DLGAP1: variants seen among roughly 807,000 people sequenced by gnomAD.
DLGAP1 encodes the protein disks large-associated protein 1.
Under a neutral mutation model 90.8 loss-of-function variants are expected in DLGAP1, and 11 were observed. The observed-to-expected ratio is 0.12, with a 90% CI of 0.08 to 0.20. The LOEUF (loss-of-function observed/expected upper bound fraction) is 0.20, where lower values mean the gene tolerates loss of function less well. Among genes scored for constraint, DLGAP1 ranks in the 10% least tolerant of loss-of-function variants. The pLI, the probability that DLGAP1 is intolerant of heterozygous loss-of-function variation, is 1.00. For synonymous variants in DLGAP1, 558 were observed against 540.7 expected (o/e 1.03, Z -0.44); for missense variants, 1,050 against 1,333.8 (o/e 0.79, Z 3.31).
chr18:3,949,673 T>C (rs187357751), intron 3 of DLGAP1, among the ~76,000 whole-genome samples: 1 of 152,352 alleles, frequency 6.6e-6, no homozygotes, highest in East Asian at 1.9e-4. Context: ...GGACTGGTTG[T>C]ATATAGTTGA....
At chr18:4,061,043 C>G (rs1362454267) in intron 2 of DLGAP1, among the ~76,000 whole-genome samples, 1 of 152,192 alleles carries the variant, frequency 6.6e-6, no homozygotes, top group Admixed American at 6.5e-5. Flanking sequence ...GCCATGCCCT[C>G]TAGCTATGCT....
At chr18:3,502,360 T>C (rs2049983529) in intron 12 of DLGAP1, 133 bp downstream of exon 12, 1 of 1,454,398 alleles carries the variant, frequency 6.9e-7, no homozygotes, top group African/African-American at 1.4e-5. Flanking sequence ...AACATTGTCA[T>C]TACAATGAAA....
At chr18:3,892,112 AAAACACAC>A (rs2148859508) in intron 3 of DLGAP1, 2 of 96,468 alleles carry the variant, frequency 2.1e-5, no homozygotes, top group South Asian at 7.4e-4. Flanking sequence ...TATCACCTCT[AAAACACAC>A]ACACACACAC....
At chr18:3,990,763 A>T (rs1344366317) in intron 3 of DLGAP1, among the ~76,000 whole-genome samples, 4 of 151,860 alleles carry the variant, frequency 2.6e-5, no homozygotes, top group Admixed American at 1.3e-4. Flanking sequence ...CACATTATAT[A>T]TGTATGTAAA....
chr18:3,961,403 C>T, intron 3 of DLGAP1, among the ~76,000 whole-genome samples: 1 of 152,178 alleles, frequency 6.6e-6, no homozygotes, highest in East Asian at 1.9e-4. Flanking sequence ...TGAATTCTCT[C>T]CCTCCTCCCC....
chr18:3,835,109 T>C lies in DLGAP1; in HGVS notation c.958-20836A>G, dbSNP rs1400939756. On this transcript the variant is annotated intron_variant, in intron 4 of 12. Transcript: ENST00000315677. Reference sequence around the variant, plus strand: ...ACTGTATGCAAAAACCCATATGGCCTGTGTCAGTCTGTACCACTTATTTTC... The same window carrying C: ...ACTGTATGCAAAAACCCATATGGCCCGTGTCAGTCTGTACCACTTATTTTC... Among the ~76,000 whole-genome samples the C allele has an allele frequency of 5.9e-5, 9 of 152,360 alleles. No homozygotes were observed. The East Asian group carries it at 1.7e-3, about 29-fold the overall frequency.
chr18:4,127,708 A>G (rs2076252139), intron 2 of DLGAP1, among the ~76,000 whole-genome samples: 1 of 152,182 alleles, frequency 6.6e-6, no homozygotes, highest in Non-Finnish European at 1.5e-5. Flanking sequence ...TTTATTGCTA[A>G]TTTGTCATCT....
chr18:3,728,920 T>A (rs1318324692), intron 7 of DLGAP1, among the ~76,000 whole-genome samples: 6 of 152,116 alleles, frequency 3.9e-5, no homozygotes, highest in Non-Finnish European at 8.8e-5. Flanking sequence ...CAGTTTCCCC[T>A]GTGGATGCCA....
chr18:4,153,784 C>CT (rs1310325508), intron 1 of DLGAP1, among the ~76,000 whole-genome samples: 1 of 152,140 alleles, frequency 6.6e-6, no homozygotes, highest in African/African-American at 2.4e-5. Context: ...TGCTGAGTCC[C>CT]TTTCTTTGGG....
intron 3 of DLGAP1, chr18:3,986,008 T>G (rs1018970940): frequency 6.6e-6 from 1 of 152,210 alleles, no homozygotes; most frequent in Admixed American, 6.5e-5. Flanking sequence ...TCATAAGCTG[T>G]CTGTATATGC....
intron 11 of DLGAP1, among the ~76,000 whole-genome samples, chr18:3,506,619 G>T (rs1598972299): frequency 6.9e-6 from 1 of 144,264 alleles, no homozygotes; most frequent in African/African-American, 2.5e-5. Flanking sequence ...TTTAAAATAT[G>T]TACAATGTTT....
chr18:4,392,527 A>T (rs566422724), intron 1 of DLGAP1, among the ~76,000 whole-genome samples: 7 of 152,300 alleles, frequency 4.6e-5, no homozygotes, highest in African/African-American at 1.4e-4. Flanking sequence ...AACACACTTT[A>T]AAAAATGCCT....
At position 4,212,277 on chromosome 18, in the gene DLGAP1, G is replaced by A. The variant is rs149949360; in HGVS notation, c.-266-60990C>T. On this transcript the variant is annotated intron_variant, in intron 1 of 12. Transcript: ENST00000315677. ...CTGCTGGACTATAGGTACTGCCAGA[G>A]CTATCTAGTCCTTAAAACATACCAT... is the stretch of plus-strand genomic sequence containing the variant. 5.5e-4 allele frequency among the ~76,000 whole-genome samples: 84 copies of A among 152,208 alleles called. 1 individual carries two copies. In the South Asian group the frequency reaches 6.2e-3, roughly 11 times the overall value.
intron 1 of DLGAP1, among the ~76,000 whole-genome samples, chr18:4,348,319 T>C (rs1355752720): frequency 6.6e-6 from 1 of 150,572 alleles, no homozygotes; most frequent in African/African-American, 2.5e-5. Flanking sequence ...AAAAGAGGAG[T>C]TACAAGTAAT....
At chr18:3,600,554 C>T (rs2056834690) in intron 7 of DLGAP1, among the ~76,000 whole-genome samples, 2 of 151,026 alleles carry the variant, frequency 1.3e-5, no homozygotes, top group Non-Finnish European at 2.9e-5. Context: ...TCTTTTTATT[C>T]GTTTTTATTA....
At position 3,783,797 on chromosome 18, in the gene DLGAP1, TACAAA is replaced by T. The variant is rs540716847; in HGVS notation, c.1172+30257_1172+30261del. ...CATTATATCTAAATAAAGTGGTTAC[TACAAA>T]AAGCAATATCCTTTGGAAGTTGCTT... On this transcript the variant is annotated intron_variant, in intron 5 of 12. Transcript: ENST00000315677. Among the ~76,000 whole-genome samples the T allele has an allele frequency of 2.7e-3, 405 of 152,352 alleles. 4 individuals carry two copies. Among genetic ancestry groups the T allele is most frequent in the African/African-American group, 9.4e-3 (390 of 41,594 alleles).
intron 4 of DLGAP1, among the ~76,000 whole-genome samples, chr18:3,865,747 C>T (rs984297860): frequency 2.0e-5 from 3 of 152,136 alleles, no homozygotes; most frequent in Non-Finnish European, 4.4e-5. Flanking sequence ...TAATACCCTC[C>T]TTTTCATATA....
intron 4 of DLGAP1, among the ~76,000 whole-genome samples, chr18:3,823,070 T>G (rs2067510019): frequency 6.6e-6 from 1 of 152,244 alleles, no homozygotes; most frequent in African/African-American, 2.4e-5. Context: ...CGTATAGGTT[T>G]AGCTATCCCA....
chr18:3,520,654 G>A (rs951966468), intron 10 of DLGAP1, among the ~76,000 whole-genome samples: 2 of 152,124 alleles, frequency 1.3e-5, no homozygotes, highest in African/African-American at 4.8e-5. Context: ...AGCGACCTGA[G>A]GGGAAACCAG....
Sources: gnomAD v4.1 joint callset for allele counts (sites outside exome capture counted in the v4.1 genomes callset) on GRCh38, gnomAD v4.1.1 for gene constraint, MANE v1.5 for transcripts, NCBI Gene and HGNC (gene_info 2026-07-23, HGNC 2026-07-21) for gene names.